The following SLC7A1 variants were observed in gnomAD, a reference collection of about 807,000 sequenced individuals.
The protein encoded by SLC7A1 is solute carrier family 7 member 1.
Under a neutral mutation model 53.9 loss-of-function variants are expected in SLC7A1, and 10 were observed. That is an observed-to-expected ratio of 0.19 (90% CI 0.11 to 0.31). The LOEUF is 0.31. Among genes scored for constraint, SLC7A1 ranks in the 10% least tolerant of loss-of-function variants. The pLI is 1.00. For missense variants in SLC7A1, 525 were observed against 827.2 expected, an observed-to-expected ratio of 0.63 and a Z score of 4.48; for synonymous variants, 342 against 338.7, an observed-to-expected ratio of 1.01 and a Z score of -0.11.
chr13:29,554,125 T>A (rs1051465446), intron 1 of SLC7A1, among the ~76,000 whole-genome samples: 1 of 152,198 alleles, frequency 6.6e-6, no homozygotes. Flanking sequence ...GACTCTCATA[T>A]TTCAAAGAGG....
chr13:29,585,423 C>T (rs1287557167), intron 1 of SLC7A1, among the ~76,000 whole-genome samples: 1 of 152,148 alleles, frequency 6.6e-6, no homozygotes, highest in Non-Finnish European at 1.5e-5. Context: ...TAAAAATTAT[C>T]TCAGCGTATC....
At chr13:29,562,306 A>G (rs987269779) in intron 1 of SLC7A1, among the ~76,000 whole-genome samples, 5 of 152,246 alleles carry the variant, frequency 3.3e-5, no homozygotes, top group African/African-American at 1.2e-4. Context: ...ACATTGACAG[A>G]CAAAATTGTA....
chr13:29,523,677 A>C (rs1334060275), intron 6 of SLC7A1, among the ~76,000 whole-genome samples, 189 bp from the exon 7 acceptor site: 1 of 152,206 alleles, frequency 6.6e-6, no homozygotes, highest in Non-Finnish European at 1.5e-5. Flanking sequence ...GCTCAGGAAG[A>C]CACATCAGAC....
intron 1 of SLC7A1, among the ~76,000 whole-genome samples, chr13:29,591,646 A>C (rs1306597686): frequency 6.6e-6 from 1 of 152,226 alleles, no homozygotes; most frequent in African/African-American, 2.4e-5. Context: ...CTGCAGTAGG[A>C]ATATGGAAAG....
intron 5 of SLC7A1, among the ~76,000 whole-genome samples, chr13:29,524,992 C>T (rs569471984): frequency 9.0e-4 from 137 of 152,336 alleles, no homozygotes; most frequent in Non-Finnish European, 1.4e-3. Flanking sequence ...TTCAGTGTGG[C>T]GCTATGGCCC....
At chr13:29,579,566 T>C (rs1418332859) in intron 1 of SLC7A1, among the ~76,000 whole-genome samples, 1 of 152,174 alleles carries the variant, frequency 6.6e-6, no homozygotes, top group Non-Finnish European at 1.5e-5. Flanking sequence ...TTTTGCCATA[T>C]TGGCCAGGCT....
intron 5 of SLC7A1, among the ~76,000 whole-genome samples, chr13:29,524,629 C>G (rs1020856918): frequency 6.6e-6 from 1 of 152,148 alleles, no homozygotes; most frequent in Admixed American, 6.5e-5. Context: ...GATGCAGAGC[C>G]GCCAGCCAGT....
intron 1 of SLC7A1, among the ~76,000 whole-genome samples, chr13:29,588,361 C>G (rs959258921): frequency 1.3e-5 from 2 of 151,960 alleles, no homozygotes; most frequent in African/African-American, 2.4e-5. Context: ...TCAAATGGTT[C>G]AGAAAAAAAT....
chr13:29,518,223 G>T (rs1868448570), intron 9 of SLC7A1, among the ~76,000 whole-genome samples: 1 of 152,206 alleles, frequency 6.6e-6, no homozygotes, highest in Non-Finnish European at 1.5e-5. Context: ...GTGGCTGCAG[G>T]CTAGATGGAT....
intron 1 of SLC7A1, among the ~76,000 whole-genome samples, chr13:29,559,939 TCTC>T (rs1292771747): frequency 6.6e-6 from 1 of 152,072 alleles, no homozygotes. Flanking sequence ...ATGGTCTCAA[TCTC>T]CTGACCTTGT....
At chr13:29,552,698 C>T (rs926425601) in intron 2 of SLC7A1, among the ~76,000 whole-genome samples, 19 of 152,164 alleles carry the variant, frequency 1.2e-4, no homozygotes, top group African/African-American at 3.9e-4. Context: ...CTTTGTTTCC[C>T]GTAAGGAATA....
intron 1 of SLC7A1, among the ~76,000 whole-genome samples, chr13:29,562,023 G>A (rs1173639252): frequency 2.0e-5 from 3 of 152,194 alleles, no homozygotes; most frequent in Non-Finnish European, 4.4e-5. Context: ...CTCACAAATG[G>A]ATGGTACTAG....
intron 1 of SLC7A1, among the ~76,000 whole-genome samples, chr13:29,587,715 G>A (rs1279329172): frequency 6.6e-6 from 1 of 152,224 alleles, no homozygotes; most frequent in Non-Finnish European, 1.5e-5. Context: ...CCCACCTGGA[G>A]GATATGCACC....
At chr13:29,554,594 C>A (rs1306432130) in intron 1 of SLC7A1, among the ~76,000 whole-genome samples, 2 of 152,188 alleles carry the variant, frequency 1.3e-5, no homozygotes, top group African/African-American at 2.4e-5. Context: ...TAAATCTTAC[C>A]ATTTACACTC....
chr13:29,526,767 T>C (rs1337314285), intron 5 of SLC7A1, among the ~76,000 whole-genome samples: 7 of 152,118 alleles, frequency 4.6e-5, no homozygotes, highest in African/African-American at 7.2e-5. Flanking sequence ...GCAAGGGCGA[T>C]GGGTGAGCGC....
intron 11 of SLC7A1, 164 bp downstream of exon 11, chr13:29,516,980 C>T: frequency 1.7e-6 from 1 of 581,434 alleles, no homozygotes; most frequent in Non-Finnish European, 2.9e-6. Context: ...AGGGTCTGGT[C>T]CTCTCTGTGC....
chr13:29,579,488 G>A (rs1010704755), intron 1 of SLC7A1, among the ~76,000 whole-genome samples: 3 of 151,884 alleles, frequency 2.0e-5, no homozygotes, highest in African/African-American at 7.3e-5. Flanking sequence ...AGCCTCCCGA[G>A]TAGCTGGTAC....
rs1031155708 is a variant in SLC7A1, at chr13:29,516,122, C to A, written c.1786+16G>T. On this transcript the variant is annotated intron_variant, in intron 12 of 12. Transcript: ENST00000380752. Reference sequence around the variant, plus strand: ...GAAGCCAGGATCTTGGACGTGCTGGCAGCAGCATCACATACCTATCAGCAT... The same window carrying A: ...GAAGCCAGGATCTTGGACGTGCTGGAAGCAGCATCACATACCTATCAGCAT... The A allele has an allele frequency of 2.0e-6, 3 of 1,532,840 alleles. No homozygotes were observed. Among genetic ancestry groups the A allele is most frequent in the Non-Finnish European group, 2.7e-6 (3 of 1,109,008 alleles). 95.0% of individuals were successfully genotyped at this position (1,532,840 alleles called of 1,614,324 possible).
At position 29,509,583 on chromosome 13, in the gene SLC7A1, C is replaced by G. The variant is rs1166278447; in HGVS notation, c.*4897G>C. On this transcript the variant is annotated 3_prime_UTR_variant, in exon 13 of 13. Transcript: ENST00000380752. ...TTTTTTGAAAGGTGGTGGACGACAA[C>G]TACACTTGTCCTTAAAGTAAAATAA... 2 of 152,544 alleles carry G rather than the reference C, an allele frequency of 1.3e-5. No individual in the cohort carries two copies. The highest frequency in any genetic ancestry group is 2.9e-5 in the Non-Finnish European group (2 of 68,030). 9.4% of individuals were successfully genotyped at this position (152,544 alleles called of 1,614,324 possible).
Sources: allele counts gnomAD v4.1 joint callset (sites outside exome capture counted in the v4.1 genomes callset), GRCh38; gene constraint gnomAD v4.1.1; transcripts MANE v1.5; gene names NCBI Gene and HGNC (gene_info 2026-07-23, HGNC 2026-07-21).